RIMS1: variants seen among roughly 807,000 people sequenced by gnomAD.
RIMS1 encodes regulating synaptic membrane exocytosis 1, also known as regulating synaptic membrane exocytosis protein 1.
Under a neutral mutation model 214.1 loss-of-function variants are expected in RIMS1, and 83 were observed. The observed-to-expected ratio is 0.39, with a 90% confidence interval of 0.32 to 0.47. RIMS1 has a LOEUF of 0.47. Among genes scored for constraint, RIMS1 ranks in the 20% least tolerant of loss-of-function variants. RIMS1 has a pLI of 0.99. For missense variants in RIMS1, 2,050 were observed against 2,161.8 expected (o/e 0.95, Z 1.03); for synonymous variants, 793 against 786.8 (o/e 1.01, Z -0.13).
chr6:72,128,102 G>A (rs1181324496), intron 4 of RIMS1, among the ~76,000 whole-genome samples: 4 of 152,156 alleles, frequency 2.6e-5, no homozygotes, highest in Non-Finnish European at 5.9e-5. Context: ...CAAGGTGCCT[G>A]CTGAAGTTAG....
intron 1 of RIMS1, among the ~76,000 whole-genome samples, chr6:71,931,170 G>T (rs1782914998): frequency 6.6e-6 from 1 of 151,864 alleles, no homozygotes; most frequent in South Asian, 2.1e-4. Flanking sequence ...AAATTATTTT[G>T]CATTTAAAGC....
chr6:72,292,540 A>G (rs185543094), intron 26 of RIMS1, among the ~76,000 whole-genome samples: 33 of 152,242 alleles, frequency 2.2e-4, no homozygotes, highest in Admixed American at 2.0e-3. Flanking sequence ...AGCAGTTCAT[A>G]TTGCTTAAAG....
At chr6:71,977,655 G>A (rs549575213) in intron 2 of RIMS1, among the ~76,000 whole-genome samples, 2 of 152,230 alleles carry the variant, frequency 1.3e-5, no homozygotes, top group African/African-American at 4.8e-5. Context: ...TTTAAAAAGA[G>A]ACTTGAAAGA....
At chr6:71,964,614 C>T (rs752929239) in intron 1 of RIMS1, among the ~76,000 whole-genome samples, 3 of 152,026 alleles carry the variant, frequency 2.0e-5, no homozygotes, top group Non-Finnish European at 4.4e-5. Context: ...AAGATTTTCA[C>T]TTGAACTGCT....
At chr6:72,373,257 G>A (rs2098274828) in intron 29 of RIMS1, among the ~76,000 whole-genome samples, 1 of 152,126 alleles carries the variant, frequency 6.6e-6, no homozygotes, top group Admixed American at 6.5e-5. Flanking sequence ...TTTTAGTACT[G>A]CTTTAGTATT....
At chr6:72,196,603 T>TAA (rs1554269526) in intron 6 of RIMS1, among the ~76,000 whole-genome samples, 1 of 132,208 alleles carries the variant, frequency 7.6e-6, no homozygotes, top group Non-Finnish European at 1.6e-5. Context: ...TTTTTTTTTT[T>TAA]ACCTATACAG....
chr6:72,306,895 TTTCTC>T (rs1165700981), intron 26 of RIMS1, among the ~76,000 whole-genome samples: 1 of 152,198 alleles, frequency 6.6e-6, no homozygotes, highest in Non-Finnish European at 1.5e-5. Flanking sequence ...GCATACTTGT[TTTCTC>T]TATATATGTA....
chr6:72,117,785 G>C (rs1055277546), intron 4 of RIMS1, among the ~76,000 whole-genome samples: 3 of 151,914 alleles, frequency 2.0e-5, no homozygotes, highest in Non-Finnish European at 4.4e-5. Context: ...GCAATGTTAA[G>C]AGGAAAGTTC....
chr6:72,156,091 T>G (rs1226481938), intron 4 of RIMS1: 1 of 348,180 alleles, frequency 2.9e-6, no homozygotes, highest in Non-Finnish European at 5.9e-6. Flanking sequence ...ATAGAAGTAC[T>G]ATATGATCCA....
At position 72,107,289 on chromosome 6, in the gene RIMS1, G is replaced by T. The variant is rs117433414; in HGVS notation, c.471+7303G>T. ...ATAGAAATGAAACCCCACCAGGAGCGGTAGCTCACGCCTGTAATCCCAGCA... is the reference window on the plus strand; with the variant it reads ...ATAGAAATGAAACCCCACCAGGAGCTGTAGCTCACGCCTGTAATCCCAGCA... On this transcript the variant is annotated intron_variant, in intron 4 of 33. Transcript: ENST00000521978. 6.0e-3 allele frequency among the ~76,000 whole-genome samples: 920 copies of T among 152,270 alleles called. 9 individuals carry two copies. The highest frequency in any genetic ancestry group is 0.02 in the African/African-American group (826 of 41,556).
At chr6:72,048,027 A>G (rs1375295305) in intron 2 of RIMS1, among the ~76,000 whole-genome samples, 1 of 152,224 alleles carries the variant, frequency 6.6e-6, no homozygotes, top group East Asian at 1.9e-4. Context: ...TTTTCTATGT[A>G]GTTGGAACAC....
chr6:72,381,646 A>T (rs895436680), intron 29 of RIMS1, among the ~76,000 whole-genome samples: 3 of 152,242 alleles, frequency 2.0e-5, no homozygotes, highest in African/African-American at 7.2e-5. Context: ...GCTATTGTTT[A>T]TACTTTCAAT....
chr6:72,027,950 T>G (rs1012385116), intron 2 of RIMS1, among the ~76,000 whole-genome samples: 3 of 152,176 alleles, frequency 2.0e-5, no homozygotes, highest in Non-Finnish European at 4.4e-5. Flanking sequence ...CCGTTTTCAT[T>G]TCCATGTATA....
At chr6:72,181,547 G>C (rs1343557778) in intron 5 of RIMS1, among the ~76,000 whole-genome samples, 1 of 152,180 alleles carries the variant, frequency 6.6e-6, no homozygotes, top group African/African-American at 2.4e-5. Context: ...AAAATTTCAA[G>C]AACAAGGGCT....
intron 6 of RIMS1, among the ~76,000 whole-genome samples, chr6:72,187,735 G>A (rs748021046): frequency 2.6e-5 from 4 of 151,968 alleles, no homozygotes; most frequent in Non-Finnish European, 4.4e-5. Context: ...CTCGTGATCC[G>A]CCCACCTCGG....
intron 15 of RIMS1, among the ~76,000 whole-genome samples, chr6:72,251,620 A>G (rs777435607): frequency 2.4e-4 from 37 of 152,140 alleles, no homozygotes; most frequent in Non-Finnish European, 3.5e-4. Context: ...CACAGGGCCA[A>G]TTGAGCTGTT....
intron 1 of RIMS1, among the ~76,000 whole-genome samples, chr6:71,911,025 G>C (rs1263140182): frequency 6.6e-6 from 1 of 152,042 alleles, no homozygotes; most frequent in Non-Finnish European, 1.5e-5. Flanking sequence ...TTAGGCATTA[G>C]GTTCTAAAGG....
chr6:72,323,398 T>G (rs1284564696), intron 28 of RIMS1, among the ~76,000 whole-genome samples: 1 of 151,958 alleles, frequency 6.6e-6, no homozygotes, highest in African/African-American at 2.4e-5. Context: ...GGAGGATGGA[T>G]TATTTAACAG....
chr6:72,022,382 A>C (rs1814976873), intron 2 of RIMS1, among the ~76,000 whole-genome samples: 1 of 152,156 alleles, frequency 6.6e-6, no homozygotes, highest in Admixed American at 6.6e-5. Flanking sequence ...ATATTTGCCA[A>C]ATTATTACAT....
Sources: gnomAD v4.1 joint callset for allele counts (sites outside exome capture counted in the v4.1 genomes callset) on GRCh38, gnomAD v4.1.1 for gene constraint, MANE v1.5 for transcripts, NCBI Gene and HGNC (gene_info 2026-07-23, HGNC 2026-07-21) for gene names.